MTUS2: variants seen among roughly 807,000 people sequenced by gnomAD.
The protein encoded by MTUS2 is microtubule-associated tumor suppressor candidate 2.
In MTUS2, 40 loss-of-function variants were observed where a neutral mutation model predicts 114.1. That is an observed-to-expected ratio of 0.35 (90% CI 0.27 to 0.46). MTUS2 has a LOEUF of 0.46. MTUS2 is among the 20% of genes least tolerant of loss of function. The pLI, the probability that MTUS2 is intolerant of heterozygous loss-of-function variation, is 1.00. For missense variants in MTUS2, 1,679 were observed against 1,705.4 expected (o/e 0.98, Z 0.27); for synonymous variants, 688 against 672.0 (o/e 1.02, Z -0.37).
chr13:29,383,632 C>T (rs1872416585), intron 8 of MTUS2, among the ~76,000 whole-genome samples: 1 of 152,168 alleles, frequency 6.6e-6, no homozygotes, highest in African/African-American at 2.4e-5. Context: ...ACCAGGCCTG[C>T]CACCTTCCCT....
At chr13:29,050,414 C>G (rs1219443250) in intron 4 of MTUS2, among the ~76,000 whole-genome samples, 1 of 152,096 alleles carries the variant, frequency 6.6e-6, no homozygotes, top group Non-Finnish European at 1.5e-5. Context: ...CTGGTTCTTA[C>G]AAAGCAAGTG....
chr13:29,361,983 A>G (rs1870294363), intron 8 of MTUS2, among the ~76,000 whole-genome samples: 1 of 152,316 alleles, frequency 6.6e-6, no homozygotes, highest in African/African-American at 2.4e-5. Flanking sequence ...GACCTTGAGC[A>G]AGTTCCTGCC....
chr13:28,873,376 C>G (rs1044526129), intron 2 of MTUS2, among the ~76,000 whole-genome samples: 6 of 152,204 alleles, frequency 3.9e-5, no homozygotes, highest in Non-Finnish European at 7.3e-5. Flanking sequence ...TTCCCTGAAG[C>G]CTTCTCTGAA....
chr13:29,229,781 C>T (rs920928688), intron 5 of MTUS2, among the ~76,000 whole-genome samples: 2 of 152,190 alleles, frequency 1.3e-5, no homozygotes, highest in African/African-American at 4.8e-5. Flanking sequence ...AAACCATTTT[C>T]ATTTGTGTAC....
chr13:29,494,586 AGTGTAGCAG>A lies in MTUS2; in HGVS notation c.3579+1871_3579+1879del, dbSNP rs1013199547. ...TGGAGGGAGAGTCATTTTTATAGTC[AGTGTAGCAG>A]GTGACCTGTGCTAGGTCACCTGCTA... On this transcript the variant is annotated intron_variant, in intron 12 of 15. Transcript: ENST00000612955. 1.9e-4 allele frequency among the ~76,000 whole-genome samples: 29 copies of A among 151,860 alleles called. No homozygotes were observed. The South Asian group carries it at 2.3e-3, about 12-fold the overall frequency.
chr13:28,822,815 T>C (rs187068602), intron 1 of MTUS2, among the ~76,000 whole-genome samples: 18 of 152,342 alleles, frequency 1.2e-4, no homozygotes, highest in Non-Finnish European at 2.1e-4. Context: ...TATTAACTTA[T>C]AAAATTGCCT....
intron 13 of MTUS2, chr13:29,497,613 G>T (rs2139007349): frequency 2.1e-6 from 1 of 476,130 alleles, no homozygotes; most frequent in East Asian, 3.7e-5. Flanking sequence ...GATAAGCATG[G>T]TCTGGAAACC....
At chr13:28,896,279 C>A (rs1879259892) in intron 2 of MTUS2, among the ~76,000 whole-genome samples, 1 of 152,132 alleles carries the variant, frequency 6.6e-6, no homozygotes, top group Admixed American at 6.6e-5. Flanking sequence ...AGAGCCAAAT[C>A]ATGAGTGAAC....
intron 2 of MTUS2, among the ~76,000 whole-genome samples, chr13:28,872,796 C>T (rs559007141): frequency 1.8e-4 from 28 of 152,248 alleles, no homozygotes; most frequent in African/African-American, 6.0e-4. Flanking sequence ...GATCACATTT[C>T]GACATGAGGT....
rs1451361303 is a variant in MTUS2, at chr13:29,309,843, A to AT, written c.2807-14770_2807-14769insT. 3.3e-4 allele frequency among the ~76,000 whole-genome samples: 51 copies of AT among 152,302 alleles called. No individual in the cohort carries two copies. The East Asian group carries it at 9.1e-3, about 27-fold the overall frequency. On this transcript the variant is annotated intron_variant, in intron 6 of 15. Coordinates refer to ENST00000612955, the MANE Select transcript of MTUS2 (RefSeq NM_001033602.4). The stretch of plus-strand genomic sequence containing the variant: ...ACATGCCATGTTTTGATACAGGCAT[A>AT]CAATGTGCAATGGTCACATCAGGGT...
At chr13:28,929,462 A>T (rs1033632377) in intron 2 of MTUS2, among the ~76,000 whole-genome samples, 1 of 152,162 alleles carries the variant, frequency 6.6e-6, no homozygotes, top group Non-Finnish European at 1.5e-5. Context: ...TCAATAAAAA[A>T]CATAAAAATA....
chr13:29,059,703 G>A (rs1349675305), intron 4 of MTUS2, among the ~76,000 whole-genome samples: 1 of 152,222 alleles, frequency 6.6e-6, no homozygotes, highest in Non-Finnish European at 1.5e-5. Flanking sequence ...GGCTTGCCTG[G>A]CTATGAGAGT....
At chr13:29,348,468 T>A (rs921993717) in intron 7 of MTUS2, among the ~76,000 whole-genome samples, 2 of 152,166 alleles carry the variant, frequency 1.3e-5, no homozygotes, top group African/African-American at 4.8e-5. Context: ...GAGCCTTGTT[T>A]TAAGACTCAC....
intron 5 of MTUS2, among the ~76,000 whole-genome samples, chr13:29,188,769 C>T (rs1894326692): frequency 6.6e-6 from 1 of 152,148 alleles, no homozygotes. Context: ...CCCTTGCCTA[C>T]CTCCCCTTCT....
intron 1 of MTUS2, among the ~76,000 whole-genome samples, chr13:28,828,070 C>T (rs912344223): frequency 1.3e-5 from 2 of 152,160 alleles, no homozygotes; most frequent in African/African-American, 4.8e-5. Flanking sequence ...TATTTCACCG[C>T]TTATCCACAA....
intron 8 of MTUS2, among the ~76,000 whole-genome samples, chr13:29,419,388 G>T (rs1224285352): frequency 6.6e-6 from 1 of 152,180 alleles, no homozygotes; most frequent in Admixed American, 6.5e-5. Flanking sequence ...TGGAGGTGGA[G>T]AGGTTGATAC....
chr13:28,891,767 A>G (rs1269776992), intron 2 of MTUS2, among the ~76,000 whole-genome samples: 1 of 149,076 alleles, frequency 6.7e-6, no homozygotes, highest in African/African-American at 2.5e-5. Flanking sequence ...AATCCCAGCT[A>G]CTCAGGAGGC....
At chr13:29,036,050 A>G (rs1887048301) in intron 4 of MTUS2, among the ~76,000 whole-genome samples, 1 of 151,044 alleles carries the variant, frequency 6.6e-6, no homozygotes, top group Admixed American at 6.6e-5. Context: ...AGGCTGAGGC[A>G]TGAGAGTCAC....
At chr13:29,332,031 G>A (rs955709083) in intron 7 of MTUS2, among the ~76,000 whole-genome samples, 1 of 152,016 alleles carries the variant, frequency 6.6e-6, no homozygotes, top group African/African-American at 2.4e-5. Context: ...TTTTTTTGTT[G>A]TGTCTCTGAC....
Sources: allele counts gnomAD v4.1 joint callset (sites outside exome capture counted in the v4.1 genomes callset), GRCh38; gene constraint gnomAD v4.1.1; transcripts MANE v1.5; gene names NCBI Gene and HGNC (gene_info 2026-07-23, HGNC 2026-07-21).